DGKH: variants seen among roughly 807,000 people sequenced by gnomAD.
DGKH encodes diacylglycerol kinase eta.
DGKH carries 90 observed loss-of-function variants against 159.3 expected under a neutral mutation model. The ratio of observed to expected loss-of-function variants is 0.57; its 90% CI spans 0.48 to 0.67. The LOEUF (loss-of-function observed/expected upper bound fraction) is 0.67, where lower values mean the gene tolerates loss of function less well. Ranked by LOEUF, DGKH falls within the 30% of genes least tolerant of loss-of-function variation. The pLI, the probability that DGKH is intolerant of heterozygous loss-of-function variation, is 0.00. For synonymous variants in DGKH, 536 were observed against 553.8 expected (o/e 0.97, Z 0.45); for missense variants, 1,181 against 1,506.1 (o/e 0.78, Z 3.57).
chr13:42,079,393 T>C (rs1283624369), intron 1 of DGKH, among the ~76,000 whole-genome samples: 1 of 152,110 alleles, frequency 6.6e-6, no homozygotes, highest in Non-Finnish European at 1.5e-5. Flanking sequence ...GCTTTTAGGG[T>C]ATACATCACC....
chr13:42,042,381 A>G (rs1037671925), intron 1 of DGKH, among the ~76,000 whole-genome samples: 1 of 152,208 alleles, frequency 6.6e-6, no homozygotes, highest in Non-Finnish European at 1.5e-5. Context: ...AGAAAATTAG[A>G]TAATTTTTTT....
At chr13:42,109,881 T>C (rs773007066) in intron 1 of DGKH, among the ~76,000 whole-genome samples, 21 of 152,312 alleles carry the variant, frequency 1.4e-4, no homozygotes, top group Admixed American at 2.0e-4. Context: ...TTTTTAGGGG[T>C]ATCAGTCTGG....
chr13:42,229,074 A>G, intron 29 of DGKH, 25 bp from the exon 30 acceptor site: 2 of 1,571,934 alleles, frequency 1.3e-6, no homozygotes, highest in Non-Finnish European at 1.7e-6. Flanking sequence ...AATTATTTCT[A>G]CCTTTTTCTG....
chr13:42,069,326 G>A (rs1487637225), intron 1 of DGKH: 2 of 1,244,812 alleles, frequency 1.6e-6, no homozygotes, highest in African/African-American at 1.5e-5. Context: ...AAGAAGATGG[G>A]TACAAAGTTT....
intron 1 of DGKH, among the ~76,000 whole-genome samples, chr13:42,107,699 C>T (rs1954786254): frequency 6.6e-6 from 1 of 152,122 alleles, no homozygotes; most frequent in East Asian, 1.9e-4. Context: ...GGTAAGGCAG[C>T]CCCGCTGTGA....
At chr13:42,195,212 T>A (rs347392) in intron 17 of DGKH, among the ~76,000 whole-genome samples, 196 bp downstream of exon 17, 149,920 of 152,348 alleles carry the variant, frequency 0.98, 73,808 homozygotes, top group Middle Eastern at 1. Context: ...ATTAAAACAC[T>A]TGTTTCGGCC....
At chr13:42,204,513 C>T (rs1036880208) in intron 20 of DGKH, among the ~76,000 whole-genome samples, 1 of 152,204 alleles carries the variant, frequency 6.6e-6, no homozygotes, top group African/African-American at 2.4e-5. Context: ...AGCCAATAAC[C>T]CTGAGGTCTT....
rs866294317 is a variant in DGKH at position 42,207,154 on chromosome 13, C to T, written c.2601+1008C>T. On this transcript the variant is annotated intron_variant, in intron 21 of 29. Transcript: ENST00000337343. The stretch of plus-strand genomic sequence containing the variant: ...CCTTCCTTCCTTCCTTCCTTCCTTC[C>T]TTCCTTCCTTCCTTCCTTCCTTCCT... Among the ~76,000 whole-genome samples, 322 of 65,898 alleles carry T rather than the reference C, an allele frequency of 4.9e-3. 25 individuals carry two copies. The highest frequency in any genetic ancestry group is 0.035 in the South Asian group (58 of 1,678). The allele number at this position is 65,898 out of a possible 152,430, so 43.2% of individuals were successfully genotyped here.
intron 29 of DGKH, among the ~76,000 whole-genome samples, chr13:42,224,229 C>G (rs943036125): frequency 5.3e-5 from 8 of 152,194 alleles, no homozygotes; most frequent in African/African-American, 1.9e-4. Context: ...CTATTGCACT[C>G]CTGTTCTGCC....
intron 1 of DGKH, among the ~76,000 whole-genome samples, chr13:42,093,233 A>C (rs554826634): frequency 6.6e-6 from 1 of 151,452 alleles, no homozygotes; most frequent in East Asian, 1.9e-4. Context: ...GTCAGAGCAA[A>C]ACTCTGTCTC....
chr13:42,209,774 A>G (rs555336450), intron 23 of DGKH, among the ~76,000 whole-genome samples: 1 of 152,260 alleles, frequency 6.6e-6, no homozygotes, highest in Non-Finnish European at 1.5e-5. Context: ...AGTGTGGCAC[A>G]TTTGTTACAA....
At chr13:42,079,654 C>T (rs973531909) in intron 1 of DGKH, among the ~76,000 whole-genome samples, 7 of 152,150 alleles carry the variant, frequency 4.6e-5, no homozygotes, top group African/African-American at 9.7e-5. Context: ...TTCTCACTCA[C>T]GGAGTTCATC....
intron 1 of DGKH, among the ~76,000 whole-genome samples, chr13:42,088,209 G>A (rs1954345750): frequency 6.6e-6 from 1 of 151,946 alleles, no homozygotes; most frequent in African/African-American, 2.4e-5. Flanking sequence ...AAATAATTTT[G>A]GACAAACAAA....
intron 2 of DGKH, among the ~76,000 whole-genome samples, chr13:42,129,276 G>A (rs147839512): frequency 4.3e-4 from 66 of 152,296 alleles, no homozygotes; most frequent in African/African-American, 1.5e-3. Flanking sequence ...CAGGTTCCCC[G>A]TAAGTGGTAG....
intron 1 of DGKH, among the ~76,000 whole-genome samples, chr13:42,075,764 A>G (rs1954083368): frequency 6.6e-6 from 1 of 152,184 alleles, no homozygotes; most frequent in Non-Finnish European, 1.5e-5. Context: ...CTGTTTCAGC[A>G]GCTTCCTCCT....
intron 14 of DGKH, 57 bp downstream of exon 14, chr13:42,187,205 C>T: frequency 1.4e-6 from 2 of 1,425,534 alleles, no homozygotes; most frequent in Non-Finnish European, 2.0e-6. Flanking sequence ...TCACATTCAA[C>T]TGTGTTTCAA....
chr13:42,071,726 A>G (rs1882981450), intron 1 of DGKH, among the ~76,000 whole-genome samples: 1 of 152,174 alleles, frequency 6.6e-6, no homozygotes, highest in African/African-American at 2.4e-5. Flanking sequence ...CTCTGATACA[A>G]CGGGACTTCT....
chr13:42,197,751 T>C (rs1957236433), intron 17 of DGKH, among the ~76,000 whole-genome samples: 1 of 152,244 alleles, frequency 6.6e-6, no homozygotes, highest in East Asian at 1.9e-4. Flanking sequence ...GTTTTTCTAA[T>C]TTCCTCGTGT....
At chr13:42,086,434 T>C (rs965294622) in intron 1 of DGKH, among the ~76,000 whole-genome samples, 1 of 152,210 alleles carries the variant, frequency 6.6e-6, no homozygotes. Flanking sequence ...TATTGTTACA[T>C]GGTCAACCTG....
Sources: gnomAD v4.1 joint callset for allele counts (sites outside exome capture counted in the v4.1 genomes callset) on GRCh38, gnomAD v4.1.1 for gene constraint, MANE v1.5 for transcripts, NCBI Gene and HGNC (gene_info 2026-07-23, HGNC 2026-07-21) for gene names.